ITGA1: variants seen among roughly 807,000 people sequenced by gnomAD.
ITGA1 encodes integrin alpha-1.
Under a neutral mutation model 145.9 loss-of-function variants are expected in ITGA1, and 85 were observed. The ratio of observed to expected loss-of-function variants is 0.58; its 90% CI spans 0.49 to 0.70. The LOEUF is 0.70. Ranked by LOEUF, ITGA1 falls within the 30% of genes least tolerant of loss-of-function variation. ITGA1 has a pLI of 0.00. For missense variants in ITGA1, 1,351 were observed against 1,418.7 expected, an observed-to-expected ratio of 0.95 and a Z score of 0.77; for synonymous variants, 520 against 495.3, an observed-to-expected ratio of 1.05 and a Z score of -0.66.
At chr5:52,815,503 G>A (rs1366855892) in intron 1 of ITGA1, among the ~76,000 whole-genome samples, 1 of 152,210 alleles carries the variant, frequency 6.6e-6, no homozygotes, top group Non-Finnish European at 1.5e-5. Context: ...GGCTTGGGCA[G>A]GAGAGATCTT....
intron 10 of ITGA1, 25 bp downstream of exon 10, chr5:52,897,553 T>C (rs768991052): frequency 6.3e-7 from 1 of 1,583,116 alleles, no homozygotes; most frequent in African/African-American, 1.3e-5. Context: ...TGGTGAAAAA[T>C]GAAATATATG....
chr5:52,891,788 A>T (rs1750155661), intron 8 of ITGA1, among the ~76,000 whole-genome samples: 1 of 151,948 alleles, frequency 6.6e-6, no homozygotes, highest in Non-Finnish European at 1.5e-5. Context: ...TATGTGATTT[A>T]AAAAATAGAA....
chr5:52,927,727 A>C lies in ITGA1; in HGVS notation c.2694+63A>C, dbSNP rs868804464. On this transcript the variant is annotated intron_variant, in intron 20 of 28. Transcript: ENST00000282588. ...ATGAAAAGTAATATGTGCAAAGACAAATATATAAATCCTTCCAATGGTAGT... is the reference window on the plus strand; with the variant it reads ...ATGAAAAGTAATATGTGCAAAGACACATATATAAATCCTTCCAATGGTAGT... 2.9e-6 allele frequency: 3 copies of C among 1,046,106 alleles called. No homozygotes were observed. In the Middle Eastern group the frequency reaches 6.3e-4, roughly 220 times the overall value. The allele number at this position is 1,046,106 out of a possible 1,614,324, so 64.8% of individuals were successfully genotyped here.
intron 2 of ITGA1, among the ~76,000 whole-genome samples, chr5:52,854,590 C>T (rs1749479001): frequency 6.6e-6 from 1 of 152,068 alleles, no homozygotes; most frequent in Non-Finnish European, 1.5e-5. Context: ...GTGACTTTGG[C>T]TTGAACTATG....
At chr5:52,938,878 A>G (rs1473134880) in intron 24 of ITGA1, among the ~76,000 whole-genome samples, 1 of 151,834 alleles carries the variant, frequency 6.6e-6, no homozygotes, top group Non-Finnish European at 1.5e-5. Flanking sequence ...CATGAGCCAT[A>G]ATATTGAACA....
chr5:52,813,917 G>A (rs1748722961), intron 1 of ITGA1, among the ~76,000 whole-genome samples: 1 of 152,198 alleles, frequency 6.6e-6, no homozygotes, highest in Non-Finnish European at 1.5e-5. Context: ...GCCAGCCATT[G>A]CATTGGTATT....
chr5:52,932,296 T>C (rs1750904535), intron 22 of ITGA1, 160 bp downstream of exon 22: 1 of 579,324 alleles, frequency 1.7e-6, no homozygotes, highest in Middle Eastern at 3.0e-4. Flanking sequence ...ACTCGGAGGA[T>C]GGGGTTAAAC....
At chr5:52,796,552 C>T (rs1374966376) in intron 1 of ITGA1, among the ~76,000 whole-genome samples, 2 of 152,064 alleles carry the variant, frequency 1.3e-5, no homozygotes, top group East Asian at 3.9e-4. Context: ...ATAACTACAG[C>T]AGTTTCTGAA....
chr5:52,885,998 G>A (rs1290948237), intron 7 of ITGA1, among the ~76,000 whole-genome samples: 2 of 152,134 alleles, frequency 1.3e-5, no homozygotes, highest in Non-Finnish European at 2.9e-5. Flanking sequence ...ATGGAACAGC[G>A]TAATAAGATT....
intron 7 of ITGA1, among the ~76,000 whole-genome samples, chr5:52,887,225 A>G (rs1040822860): frequency 1.3e-5 from 2 of 152,120 alleles, no homozygotes; most frequent in African/African-American, 4.8e-5. Context: ...GAGCATCACC[A>G]TCTGCAGTCT....
chr5:52,875,946 C>A (rs1385312409), intron 6 of ITGA1, among the ~76,000 whole-genome samples: 1 of 151,930 alleles, frequency 6.6e-6, no homozygotes, highest in Non-Finnish European at 1.5e-5. Context: ...TAATTATCAT[C>A]TTTGACATAT....
At chr5:52,805,475 T>C (rs904948237) in intron 1 of ITGA1, among the ~76,000 whole-genome samples, 3 of 152,048 alleles carry the variant, frequency 2.0e-5, no homozygotes, top group Admixed American at 6.6e-5. Context: ...ACAGGAAATA[T>C]TAAGAGATGG....
chr5:52,923,816 G>A (rs2452867), intron 18 of ITGA1, among the ~76,000 whole-genome samples: 122,055 of 152,208 alleles, frequency 0.8, 49,178 homozygotes, highest in African/African-American at 0.84. Context: ...GTGTCCTCAC[G>A]CTGAAGCATG....
At chr5:52,836,584 G>C (rs558799538) in intron 1 of ITGA1, among the ~76,000 whole-genome samples, 28 of 152,130 alleles carry the variant, frequency 1.8e-4, no homozygotes, top group African/African-American at 6.7e-4. Context: ...TCCGCCACTT[G>C]GTTGTTCATT....
chr5:52,918,013 C>A (rs1442105176), intron 15 of ITGA1, among the ~76,000 whole-genome samples: 1 of 152,096 alleles, frequency 6.6e-6, no homozygotes, highest in Non-Finnish European at 1.5e-5. Context: ...GGATCTAAGA[C>A]AATGACCTCA....
Position 52,903,359 on chromosome 5 carries a change from TGAAA to T in ITGA1, c.1310-2401_1310-2398del, listed in dbSNP as rs1750346927. On this transcript the variant is annotated intron_variant, in intron 11 of 28. Transcript: ENST00000282588. ...ATTTTATGTATGTATAAACATGGCC[TGAAA>T]GATTCATTTTAAAACAATATTGTGG... 2.0e-5 allele frequency: 3 copies of T among 152,198 alleles called. No homozygotes were observed. The South Asian group carries it at 6.2e-4, about 31-fold the overall frequency. 9.4% of individuals were successfully genotyped at this position (152,198 alleles called of 1,614,324 possible).
At chr5:52,932,491 C>A (rs1167736207) in intron 22 of ITGA1, 1 of 174,452 alleles carries the variant, frequency 5.7e-6, no homozygotes, top group Non-Finnish European at 1.2e-5. Context: ...CAGCATATTT[C>A]TTGGTCATCG....
intron 24 of ITGA1, among the ~76,000 whole-genome samples, chr5:52,938,253 TA>T: frequency 6.6e-6 from 1 of 152,270 alleles, no homozygotes; most frequent in East Asian, 1.9e-4. Flanking sequence ...GCAAACAAAA[TA>T]GTATAATTGT....
intron 7 of ITGA1, among the ~76,000 whole-genome samples, chr5:52,883,769 G>A (rs1349885804): frequency 6.6e-6 from 1 of 152,146 alleles, no homozygotes; most frequent in Non-Finnish European, 1.5e-5. Flanking sequence ...AAAGCATGCA[G>A]GAAAGTCAAT....
Sources: gnomAD v4.1 joint callset for allele counts (sites outside exome capture counted in the v4.1 genomes callset) on GRCh38, gnomAD v4.1.1 for gene constraint, MANE v1.5 for transcripts, NCBI Gene and HGNC (gene_info 2026-07-23, HGNC 2026-07-21) for gene names.